GRID1: variants seen among roughly 807,000 people sequenced by gnomAD.
The protein encoded by GRID1 is glutamate receptor ionotropic, delta-1.
GRID1 carries 28 observed loss-of-function variants against 98.0 expected under a neutral mutation model. That is an observed-to-expected ratio of 0.29 (90% CI 0.21 to 0.39). The LOEUF is 0.39. Ranked by LOEUF, GRID1 falls within the 10% of genes least tolerant of loss-of-function variation. GRID1 has a pLI of 1.00. For synonymous variants in GRID1, 553 were observed against 538.5 expected, an observed-to-expected ratio of 1.03 and a Z score of -0.37; for missense variants, 1,111 against 1,340.5, an observed-to-expected ratio of 0.83 and a Z score of 2.67.
At chr10:85,859,885 G>A (rs1197195046) in intron 6 of GRID1, among the ~76,000 whole-genome samples, 1 of 152,106 alleles carries the variant, frequency 6.6e-6, no homozygotes, top group African/African-American at 2.4e-5. Context: ...GGGATTCTTG[G>A]ATGAAAAAAA....
intron 8 of GRID1, among the ~76,000 whole-genome samples, chr10:85,818,223 G>C (rs563761578): frequency 1.4e-4 from 22 of 152,316 alleles, no homozygotes; most frequent in African/African-American, 5.3e-4. Flanking sequence ...AATCCTTCCT[G>C]ATGGATGAGT....
At chr10:85,930,258 TTATTTATAACTACAAATAACTTGC>T (rs1841831961) in intron 4 of GRID1, among the ~76,000 whole-genome samples, 3 of 97,542 alleles carry the variant, frequency 3.1e-5, no homozygotes, top group African/African-American at 1.6e-4. Context: ...TAACTTGCGG[TTATTTATAACTACAAATAACTTGC>T]GGTTATTTAT....
intron 8 of GRID1, among the ~76,000 whole-genome samples, chr10:85,836,484 C>A (rs1171250432): frequency 3.9e-5 from 6 of 152,182 alleles, no homozygotes; most frequent in African/African-American, 1.4e-4. Context: ...ATGAATTGAA[C>A]TGGCAAGAAG....
intron 5 of GRID1, among the ~76,000 whole-genome samples, chr10:85,887,002 A>G (rs1841126683): frequency 6.6e-6 from 1 of 152,268 alleles, no homozygotes; most frequent in Non-Finnish European, 1.5e-5. Context: ...TGGAGAAATA[A>G]TAAAGTTTAT....
chr10:86,051,647 C>T (rs1843504670), intron 4 of GRID1, among the ~76,000 whole-genome samples: 1 of 152,140 alleles, frequency 6.6e-6, no homozygotes, highest in Non-Finnish European at 1.5e-5. Context: ...ACACATGTCT[C>T]GCAGAAAATG....
intron 8 of GRID1, among the ~76,000 whole-genome samples, chr10:85,836,412 C>A (rs78491942): frequency 6.6e-6 from 1 of 151,920 alleles, no homozygotes; most frequent in Non-Finnish European, 1.5e-5. Flanking sequence ...AAACTGTTAA[C>A]CCCACAAGGG....
intron 2 of GRID1, among the ~76,000 whole-genome samples, chr10:86,209,775 C>T (rs1394020216): frequency 2.6e-5 from 4 of 152,160 alleles, no homozygotes; most frequent in African/African-American, 9.7e-5. Context: ...CACGGAGAGT[C>T]CTCCTTGCAG....
chr10:86,223,468 C>A (rs1461038688), intron 2 of GRID1, among the ~76,000 whole-genome samples: 1 of 152,262 alleles, frequency 6.6e-6, no homozygotes, highest in Non-Finnish European at 1.5e-5. Context: ...GCCCCCAGCA[C>A]ATGCACACAT....
At chr10:85,865,246 T>C (rs1767053036) in intron 6 of GRID1, among the ~76,000 whole-genome samples, 1 of 152,192 alleles carries the variant, frequency 6.6e-6, no homozygotes. Flanking sequence ...ATGCAAAGCT[T>C]TTGGAGCACT....
chr10:85,986,891 A>C (rs900744270), intron 4 of GRID1, among the ~76,000 whole-genome samples: 2 of 152,196 alleles, frequency 1.3e-5, no homozygotes, highest in Admixed American at 6.5e-5. Context: ...TGCTCTGTTC[A>C]TTCCACAGAT....
intron 4 of GRID1, among the ~76,000 whole-genome samples, chr10:86,035,876 G>A (rs1198055963): frequency 1.3e-5 from 2 of 152,128 alleles, no homozygotes; most frequent in Non-Finnish European, 2.9e-5. Flanking sequence ...AAATAGGGGT[G>A]GTAAAATATG....
At chr10:86,299,660 G>A (rs1022879801) in intron 2 of GRID1, among the ~76,000 whole-genome samples, 5 of 152,088 alleles carry the variant, frequency 3.3e-5, no homozygotes, top group East Asian at 1.9e-4. Flanking sequence ...TTTCAATAGC[G>A]CTTTGCCAAT....
At chr10:86,060,171 TTAAA>T (rs1173083734) in intron 4 of GRID1, among the ~76,000 whole-genome samples, 2 of 152,200 alleles carry the variant, frequency 1.3e-5, no homozygotes, top group Non-Finnish European at 2.9e-5. Flanking sequence ...GCATGGGAAT[TTAAA>T]TATGTATGTG....
At chr10:86,087,510 C>CTGTGTGTGTGTGTGTGTGTG (rs60644459) in intron 4 of GRID1, among the ~76,000 whole-genome samples, 44 of 140,984 alleles carry the variant, frequency 3.1e-4, no homozygotes, top group Non-Finnish European at 3.3e-4. Context: ...GTGTGTGTGT[C>CTGTGTGTGTGTGTGTGTGTG]TGTGTGTGTG....
chr10:86,358,347 C>T (rs1317801176), intron 2 of GRID1, among the ~76,000 whole-genome samples: 1 of 152,160 alleles, frequency 6.6e-6, no homozygotes, highest in Non-Finnish European at 1.5e-5. Context: ...GGTGTGCCAA[C>T]ATGGTAGGAG....
At chr10:85,772,834 G>A (rs1350232899) in intron 8 of GRID1, among the ~76,000 whole-genome samples, 2 of 152,128 alleles carry the variant, frequency 1.3e-5, no homozygotes, top group Non-Finnish European at 2.9e-5. Flanking sequence ...ATAATCAATA[G>A]CTTATCAACC....
rs370783338 is a variant in GRID1 at position 86,080,312 on chromosome 10, C to T, written c.726+58507G>A. On this transcript the variant is annotated intron_variant, in intron 4 of 15. Transcript: ENST00000327946. ...TCGTGCCACTGCACTCCAGCCTGGG[C>T]AACAGAGCAAGGCTATGTGGAAAAA... is the stretch of plus-strand genomic sequence containing the variant. Among the ~76,000 whole-genome samples, 23 of 149,052 alleles carry T rather than the reference C, an allele frequency of 1.5e-4. 1 individual carries two copies. The highest frequency in any genetic ancestry group is 5.4e-4 in the Admixed American group (8 of 14,940).
intron 2 of GRID1, among the ~76,000 whole-genome samples, chr10:86,251,539 T>C (rs1432279180): frequency 6.6e-6 from 1 of 152,050 alleles, no homozygotes; most frequent in Non-Finnish European, 1.5e-5. Context: ...TGGAAAACCC[T>C]AGATTTACAG....
In GRID1 at chr10:85,865,922, T is replaced by TATATATATAC. The variant is rs1554836184; in HGVS notation, c.951+3087_951+3088insGTATATATAT. Among the ~76,000 whole-genome samples, 131 of 111,616 alleles carry TATATATATAC rather than the reference T, an allele frequency of 1.2e-3. 1 individual carries two copies. Among genetic ancestry groups the TATATATATAC allele is most frequent in the African/African-American group, 3.5e-3 (97 of 27,580 alleles). The allele number at this position is 111,616 out of a possible 152,430, so 73.2% of individuals were successfully genotyped here. On this transcript the variant is annotated intron_variant, in intron 6 of 15. Coordinates refer to ENST00000327946, the MANE Select transcript of GRID1 (RefSeq NM_017551.3). ...TGTTTTACATATATACATATATATA[T>TATATATATAC]ATATATATATATATATATATACACA...
Sources: gnomAD v4.1 joint callset for allele counts (sites outside exome capture counted in the v4.1 genomes callset) on GRCh38, gnomAD v4.1.1 for gene constraint, MANE v1.5 for transcripts, NCBI Gene and HGNC (gene_info 2026-07-23, HGNC 2026-07-21) for gene names.